FILIP1: variants seen among roughly 807,000 people sequenced by gnomAD.
The protein encoded by FILIP1 is filamin A interacting protein 1.
A neutral mutation model predicts 102.1 loss-of-function variants in FILIP1; 61 were observed. That is an observed-to-expected ratio of 0.60 (90% confidence interval 0.49 to 0.74). The LOEUF (loss-of-function observed/expected upper bound fraction) is 0.74. FILIP1 is among the 30% of genes least tolerant of loss of function. The pLI is 0.00. For missense variants in FILIP1, 1,314 were observed against 1,441.2 expected (o/e 0.91, Z 1.43); for synonymous variants, 491 against 526.9 (o/e 0.93, Z 0.93).
At chr6:75,439,785 A>G (rs553533760) in intron 1 of FILIP1, among the ~76,000 whole-genome samples, 1 of 152,338 alleles carries the variant, frequency 6.6e-6, no homozygotes, top group African/African-American at 2.4e-5. Flanking sequence ...ACAAACTTAA[A>G]CTAGTGCTTG....
intron 2 of FILIP1, among the ~76,000 whole-genome samples, chr6:75,411,243 C>A (rs1425551100): frequency 1.3e-5 from 2 of 152,178 alleles, no homozygotes; most frequent in Non-Finnish European, 2.9e-5. Context: ...CTGTTCATAT[C>A]TTTTGCCCAC....
At chr6:75,389,044 C>T (rs186083734) in intron 2 of FILIP1, among the ~76,000 whole-genome samples, 158 of 152,260 alleles carry the variant, frequency 1.0e-3, no homozygotes, top group African/African-American at 3.6e-3. Context: ...AGATATGTTC[C>T]ATCAACACCT....
At chr6:75,399,484 G>T (rs1582447801) in intron 2 of FILIP1, among the ~76,000 whole-genome samples, 1 of 152,056 alleles carries the variant, frequency 6.6e-6, no homozygotes, top group African/African-American at 2.4e-5. Context: ...ACATTTGTTG[G>T]TTTTTTTGTG....
At chr6:75,370,615 C>T (rs1411294091) in intron 2 of FILIP1, among the ~76,000 whole-genome samples, 10 of 110,998 alleles carry the variant, frequency 9.0e-5, no homozygotes, top group Non-Finnish European at 1.0e-4. Context: ...TTGCTCTTGT[C>T]GCCCAGGCTG....
At chr6:75,330,444 C>A (rs781539666) in intron 4 of FILIP1, among the ~76,000 whole-genome samples, 1 of 151,982 alleles carries the variant, frequency 6.6e-6, no homozygotes, top group Non-Finnish European at 1.5e-5. Context: ...CGTTTTGGAG[C>A]CTGTGATCTC....
downstream of FILIP1, among the ~76,000 whole-genome samples, chr6:75,303,794 G>T (rs1772909210): frequency 6.6e-6 from 1 of 151,978 alleles, no homozygotes; most frequent in African/African-American, 2.4e-5. Context: ...AGGATAGATA[G>T]ATAGATAGAT....
intron 2 of FILIP1, among the ~76,000 whole-genome samples, chr6:75,370,324 C>A (rs562003615): frequency 6.6e-6 from 1 of 152,082 alleles, no homozygotes; most frequent in Non-Finnish European, 1.5e-5. Context: ...CTGTGACTGC[C>A]TTGGGAGACT....
chr6:75,425,725 G>C (rs1777604999), intron 1 of FILIP1, among the ~76,000 whole-genome samples: 1 of 152,142 alleles, frequency 6.6e-6, no homozygotes. Flanking sequence ...TCTGTAAAAT[G>C]AGGACAATAA....
rs77126767 is a variant in FILIP1 at position 75,407,650 on chromosome 6, G to T, written c.276+7047C>A. ...ATGACTTTGTCTCTGACTTAGCCTG[G>T]AAAATACCAACGCCAAATGGAATAG... On this transcript the variant is annotated intron_variant, in intron 2 of 5. Transcript: ENST00000237172. 6.1e-4 allele frequency among the ~76,000 whole-genome samples: 93 copies of T among 152,258 alleles called. No individual in the cohort carries two copies. The East Asian group carries it at 0.017, about 28-fold the overall frequency.
rs764736807 is a variant in FILIP1, at chr6:75,313,387, T to TGCTGCTTCACCGCTG, written c.2430_2444dup (p.Ser811_Ala815dup). 3.1e-6 allele frequency: 5 copies of TGCTGCTTCACCGCTG among 1,614,230 alleles called. No individual in the cohort carries two copies. The highest frequency in any genetic ancestry group is 1.7e-5 in the Admixed American group (1 of 60,026). On this transcript the variant is annotated inframe_insertion, in exon 5 of 6. Coordinates refer to ENST00000237172, the MANE Select transcript of FILIP1 (RefSeq NM_015687.5). The surrounding 1 kb of genome is among the most constrained non-coding windows in gnomAD (Gnocchi z 4.2). The stretch of plus-strand genomic sequence containing the variant: ...TGAATACAGCTGGCGTTTCTTCCTC[T>TGCTGCTTCACCGCTG]GCTGCTTCACCGCTGACTGCATCAG...
Position 75,314,121 on chromosome 6 carries a change from C to T in FILIP1, c.1711G>A (p.Glu571Lys), listed in dbSNP as rs1490907912. 5.3e-6 allele frequency: 8 copies of T among 1,511,180 alleles called. No homozygotes were observed. The highest frequency in any genetic ancestry group is 7.0e-6 in the Non-Finnish European group (8 of 1,138,992). The allele number at this position is 1,511,180 out of a possible 1,614,324, so 93.6% of individuals were successfully genotyped here. ...MEEKVYNLTR[E>K]RDELIGKLKS... Reference sequence around the variant, plus strand: ...AATTTGCCTATCAACTCATCTCTTTCTCTTGTCAAGTTGTATACTTTTTCC... The same window carrying T: ...AATTTGCCTATCAACTCATCTCTTTTTCTTGTCAAGTTGTATACTTTTTCC... Residue 571 changes from glutamate to lysine, a missense_variant, in exon 5 of 6, where the codon GAA becomes AAA. Glu to Lys is a moderately conservative substitution (Grantham distance 56, BLOSUM62 1). Coordinates refer to ENST00000237172, the MANE Select transcript of FILIP1 (RefSeq NM_015687.5).
chr6:75,315,279 A>G, intron 4 of FILIP1, 77 bp from the exon 5 acceptor site: 1 of 924,148 alleles, frequency 1.1e-6, no homozygotes, highest in South Asian at 2.3e-5. Context: ...AATAAAAAAC[A>G]AAAAGCCACT....
intron 1 of FILIP1, among the ~76,000 whole-genome samples, chr6:75,415,331 A>G (rs184257328): frequency 7.9e-5 from 12 of 152,194 alleles, no homozygotes; most frequent in Admixed American, 5.2e-4. Flanking sequence ...AACTGGGTGT[A>G]GGGCATATGC....
At chr6:75,352,581 G>T (rs1774844898) in intron 4 of FILIP1, among the ~76,000 whole-genome samples, 1 of 152,026 alleles carries the variant, frequency 6.6e-6, no homozygotes, top group African/African-American at 2.4e-5. Context: ...GGTTTGGTTT[G>T]TTTTTTTACC....
At chr6:75,319,347 C>A in intron 4 of FILIP1, 1 of 637,808 alleles carries the variant, frequency 1.6e-6, no homozygotes, top group Admixed American at 1.9e-5. Flanking sequence ...ATACTCAGAG[C>A]AGAACATGAA....
chr6:75,414,706 C>T lies in FILIP1; in HGVS notation c.267G>A (p.Gly89=). The T allele has an allele frequency of 6.2e-7, 1 of 1,611,406 alleles. No individual in the cohort carries two copies. The highest frequency in any genetic ancestry group is 8.5e-7 in the Non-Finnish European group (1 of 1,178,526). ...GAAAGTTTGACTCTACCTGCAACTCCCCTTCCATTATACTGAGTAGTTGGA... is the reference window on the plus strand; with the variant it reads ...GAAAGTTTGACTCTACCTGCAACTCTCCTTCCATTATACTGAGTAGTTGGA... The part of the protein sequence containing the change: ...DLIQLLSIME[G]ELQAREDVIH... The change falls in exon 2 of 6, where the codon GGG becomes GGA. Residue 89 remains glycine, a synonymous_variant. Coordinates refer to ENST00000237172, the MANE Select transcript of FILIP1 (RefSeq NM_015687.5).
chr6:75,442,626 C>T (rs1189237686), intron 1 of FILIP1, among the ~76,000 whole-genome samples: 2 of 152,240 alleles, frequency 1.3e-5, no homozygotes, highest in African/African-American at 2.4e-5. Flanking sequence ...TGGCAGCGCG[C>T]GCCTGCAATC....
intron 6 of FILIP1, among the ~76,000 whole-genome samples, chr6:75,298,711 G>A (rs1323741426): frequency 6.6e-6 from 1 of 152,162 alleles, no homozygotes; most frequent in Non-Finnish European, 1.5e-5. Context: ...GAGGTCAGGA[G>A]TTCAAGACCA....
At chr6:75,335,084 C>G (rs2149583038) in intron 4 of FILIP1, among the ~76,000 whole-genome samples, 1 of 152,214 alleles carries the variant, frequency 6.6e-6, no homozygotes, top group South Asian at 2.1e-4. Flanking sequence ...ACTAGCTAAA[C>G]TCTATACAGT....
Sources: allele counts gnomAD v4.1 joint callset (sites outside exome capture counted in the v4.1 genomes callset), GRCh38; gene constraint gnomAD v4.1.1; non-coding constraint Gnocchi (gnomAD v3.1); transcripts MANE v1.5; gene names NCBI Gene and HGNC (gene_info 2026-07-23, HGNC 2026-07-21).